The following TGM5 variants were observed in gnomAD, a reference collection of about 807,000 sequenced individuals.
The protein encoded by TGM5 is transglutaminase 5, also known as protein-glutamine gamma-glutamyltransferase 5.
Under a neutral mutation model 77.2 loss-of-function variants are expected in TGM5, and 69 were observed. That is an observed-to-expected ratio of 0.89 (90% CI 0.74 to 1.09). TGM5 has a LOEUF of 1.09. Among genes scored for constraint, TGM5 ranks in the 50% least tolerant of loss-of-function variants. TGM5 has a pLI of 0.00. For synonymous variants in TGM5, 346 were observed against 351.8 expected (o/e 0.98, Z 0.18); for missense variants, 842 against 896.5 (o/e 0.94, Z 0.78).
intron 9 of TGM5, among the ~76,000 whole-genome samples, chr15:43,236,260 G>A (rs2142354007): frequency 6.6e-6 from 1 of 152,252 alleles, no homozygotes; most frequent in South Asian, 2.1e-4. Flanking sequence ...CACAAATGCA[G>A]AGAAATAAAC....
chr15:43,263,464 C>T lies in TGM5; in HGVS notation c.11-2885G>A, dbSNP rs371650137. Among the ~76,000 whole-genome samples, 18 of 152,312 alleles carry T rather than the reference C, an allele frequency of 1.2e-4. No homozygotes were observed. In the East Asian group the frequency reaches 3.3e-3, roughly 28 times the overall value. On this transcript the variant is annotated intron_variant, in intron 1 of 12. Transcript: ENST00000220420. ...AATGTGGTAGTGGCATAAGGATAGA[C>T]ATATAGATCAGTGGAATAGAACTGA...
At chr15:43,262,929 A>T (rs890795229) in intron 1 of TGM5, among the ~76,000 whole-genome samples, 1 of 152,260 alleles carries the variant, frequency 6.6e-6, no homozygotes, top group African/African-American at 2.4e-5. Flanking sequence ...ATTGGAAAGA[A>T]GTAAAATTGT....
intron 6 of TGM5, among the ~76,000 whole-genome samples, chr15:43,245,488 G>A (rs2042663677): frequency 6.6e-6 from 1 of 152,064 alleles, no homozygotes; most frequent in Non-Finnish European, 1.5e-5. Flanking sequence ...TCTCTCACCT[G>A]TAATGGCAAG....
chr15:43,253,735 C>A, intron 4 of TGM5, 101 bp from the exon 5 acceptor site: 2 of 1,503,044 alleles, frequency 1.3e-6, no homozygotes, highest in South Asian at 2.3e-5. Context: ...TATAAACTCA[C>A]TTGGAAGGTA....
intron 11 of TGM5, 104 bp from the exon 12 acceptor site, chr15:43,233,791 A>G (rs1469040055): frequency 7.5e-7 from 1 of 1,332,350 alleles, no homozygotes; most frequent in African/African-American, 1.5e-5. Context: ...GCCACCTCCA[A>G]ATATGCCACT....
intron 4 of TGM5, among the ~76,000 whole-genome samples, chr15:43,254,583 A>T (rs1412786334): frequency 6.6e-6 from 1 of 152,288 alleles, no homozygotes; most frequent in South Asian, 2.1e-4. Flanking sequence ...CAGAAGGCAC[A>T]TAAGTTCCTC....
intron 8 of TGM5, 44 bp from the exon 9 acceptor site, chr15:43,239,100 G>A (rs746765956): frequency 1.2e-6 from 2 of 1,614,098 alleles, no homozygotes; most frequent in Non-Finnish European, 1.7e-6. Flanking sequence ...TTGTTGCAGG[G>A]CTGGGCAGGG....
chr15:43,242,545 C>T (rs536630687), intron 6 of TGM5, among the ~76,000 whole-genome samples: 1 of 152,198 alleles, frequency 6.6e-6, no homozygotes, highest in Non-Finnish European at 1.5e-5. Context: ...ACTGTCATTT[C>T]TTAAAAGTTT....
In TGM5 at chr15:43,260,122, G is replaced by A; in HGVS notation, c.366C>T (p.Asp122=). The change falls in exon 3 of 13, where the codon GAC becomes GAT. Residue 122 remains aspartate, a synonymous_variant. Coordinates refer to ENST00000220420, the MANE Select transcript of TGM5 (RefSeq NM_201631.4). Reference sequence around the variant, plus strand: ...AGGCCGTCACAGACCCCTGGAAGGAGTCGATGTGGATTTTCAAGAGGTACC... The same window carrying A: ...AGGCCGTCACAGACCCCTGGAAGGAATCGATGTGGATTTTCAAGAGGTACC... ...VGRYLLKIHI[D]SFQGSVTAYQ... is the part of the protein sequence containing the mutation. 1.2e-6 allele frequency: 2 copies of A among 1,614,228 alleles called. No homozygotes were observed. Among genetic ancestry groups the A allele is most frequent in the Non-Finnish European group, 1.7e-6 (2 of 1,180,044 alleles).
intron 1 of TGM5, among the ~76,000 whole-genome samples, chr15:43,261,410 C>T (rs932091463): frequency 6.6e-6 from 1 of 152,106 alleles, no homozygotes; most frequent in African/African-American, 2.4e-5. Context: ...TTCTTTTAGC[C>T]ATCTGCTGGC....
In TGM5 at chr15:43,253,478, C is replaced by T. The variant is rs201006790; in HGVS notation, c.684+28G>A. 983 of 1,607,914 alleles carry T rather than the reference C, an allele frequency of 6.1e-4. 10 individuals carry two copies. The highest frequency in any genetic ancestry group is 7.2e-4 in the Admixed American group (43 of 60,018). Reference sequence around the variant, plus strand: ...CAGGGCTCCCGCTGCACAGCTTCCTCCCTCCCCGGGCACGCCAGGGACCTC... The same window carrying T: ...CAGGGCTCCCGCTGCACAGCTTCCTTCCTCCCCGGGCACGCCAGGGACCTC... On this transcript the variant is annotated intron_variant, in intron 5 of 12. Coordinates refer to ENST00000220420, the MANE Select transcript of TGM5 (RefSeq NM_201631.4).
chr15:43,266,717 C>T (rs905998682), intron 1 of TGM5, 123 bp downstream of exon 1: 1 of 1,327,430 alleles, frequency 7.5e-7, no homozygotes. Flanking sequence ...TCTTGCTTTT[C>T]CTGCCTCAGT....
chr15:43,252,410 C>G (rs962531152), intron 6 of TGM5, among the ~76,000 whole-genome samples: 4 of 152,110 alleles, frequency 2.6e-5, no homozygotes, highest in Non-Finnish European at 4.4e-5. Flanking sequence ...TCTGCCCCCC[C>G]GGGTTCAAGC....
chr15:43,248,000 T>G (rs1025591491), intron 6 of TGM5, among the ~76,000 whole-genome samples: 1 of 152,060 alleles, frequency 6.6e-6, no homozygotes, highest in East Asian at 1.9e-4. Context: ...AGGGGGAAAT[T>G]AATTTTAATA....
chr15:43,260,706 T>C (rs573150427), intron 1 of TGM5, 127 bp from the exon 2 acceptor site: 12 of 995,232 alleles, frequency 1.2e-5, no homozygotes, highest in Admixed American at 1.9e-5. Flanking sequence ...ATCAGTAAAA[T>C]AGAGTCCATA....
In TGM5 at chr15:43,261,093, T is replaced by G. The variant is rs1326580387; in HGVS notation, c.11-514A>C. ...GTGTGTGTGTTTTTTTTTTTTTTTTTTTTTTTTTTTTTTTGAGACAGAGTC... is the reference window on the plus strand; with the variant it reads ...GTGTGTGTGTTTTTTTTTTTTTTTTGTTTTTTTTTTTTTTGAGACAGAGTC... On this transcript the variant is annotated intron_variant, in intron 1 of 12. Coordinates refer to ENST00000220420, the MANE Select transcript of TGM5 (RefSeq NM_201631.4). 5.3e-5 allele frequency among the ~76,000 whole-genome samples: 7 copies of G among 131,562 alleles called. 1 individual carries two copies. The highest frequency in any genetic ancestry group is 2.5e-4 in the East Asian group (1 of 4,016). 86.3% of individuals were successfully genotyped at this position (131,562 alleles called of 152,430 possible).
intron 6 of TGM5, among the ~76,000 whole-genome samples, chr15:43,246,443 C>T (rs1463452518): frequency 6.6e-6 from 1 of 152,142 alleles, no homozygotes; most frequent in Non-Finnish European, 1.5e-5. Context: ...CAGCAGGCAC[C>T]CTTGATATTA....
In TGM5 at chr15:43,233,070, T is replaced by C; in HGVS notation, c.*121A>G. 1 of 1,237,194 alleles carries C rather than the reference T, an allele frequency of 8.1e-7. No homozygotes were observed. The highest frequency in any genetic ancestry group is 1.1e-6 in the Non-Finnish European group (1 of 873,532). 76.6% of individuals were successfully genotyped at this position (1,237,194 alleles called of 1,614,324 possible). A position where few individuals can be genotyped will look rare whatever the true frequency, so the allele number is the denominator to read the frequency against. ...CAGAAAATGAACACGTCATCCCCTC[T>C]GTGGCTCTTGCTGGAGCCCTGTGAA... On this transcript the variant is annotated 3_prime_UTR_variant, in exon 13 of 13. Transcript: ENST00000220420.
intron 6 of TGM5, among the ~76,000 whole-genome samples, chr15:43,244,809 G>A (rs1159290664): frequency 2.6e-5 from 4 of 152,146 alleles, no homozygotes; most frequent in African/African-American, 4.8e-5. Flanking sequence ...GGCTCAGGCT[G>A]GTAATCCCAG....
Sources: allele counts gnomAD v4.1 joint callset (sites outside exome capture counted in the v4.1 genomes callset), GRCh38; gene constraint gnomAD v4.1.1; transcripts MANE v1.5; gene names NCBI Gene and HGNC (gene_info 2026-07-23, HGNC 2026-07-21).